Variants in SENP6 observed in about 807,000 individuals in gnomAD.
SENP6 encodes the protein SUMO specific peptidase 6, also known as sentrin-specific protease 6.
In SENP6, 41 loss-of-function variants were observed where a neutral mutation model predicts 134.5. The observed-to-expected ratio is 0.30, with a 90% CI of 0.24 to 0.40. The LOEUF (loss-of-function observed/expected upper bound fraction) is 0.40, where lower values mean the gene tolerates loss of function less well. SENP6 is among the 10% of genes least tolerant of loss of function. The pLI is 1.00. For missense variants in SENP6, 1,248 were observed against 1,312.5 expected, an observed-to-expected ratio of 0.95 and a Z score of 0.76; for synonymous variants, 395 against 429.8, an observed-to-expected ratio of 0.92 and a Z score of 1.00.
intron 16 of SENP6, among the ~76,000 whole-genome samples, chr6:75,694,013 T>C (rs1452322160): frequency 1.3e-5 from 2 of 152,106 alleles, no homozygotes; most frequent in Non-Finnish European, 2.9e-5. Context: ...TCCCAGCACC[T>C]TAGGAGGCCG....
At position 75,614,115 on chromosome 6, in the gene SENP6, A is replaced by G. The variant is rs895741176; in HGVS notation, c.53-7417A>G. Among the ~76,000 whole-genome samples, 6 of 152,152 alleles carry G rather than the reference A, an allele frequency of 3.9e-5. 1 individual carries two copies. In the South Asian group the frequency reaches 1.2e-3, roughly 32 times the overall value. On this transcript the variant is annotated intron_variant, in intron 1 of 23. Coordinates refer to ENST00000447266, the MANE Select transcript of SENP6 (RefSeq NM_015571.4). ...TTATGCATTTTTTAAAAATATAAGG[A>G]ATGCCATAAAAATGATTTTTTTGTT...
chr6:75,682,443 A>C (rs988790035), intron 16 of SENP6, among the ~76,000 whole-genome samples: 3 of 151,798 alleles, frequency 2.0e-5, no homozygotes, highest in African/African-American at 7.3e-5. Flanking sequence ...TCTATGGTAC[A>C]TGTGCACAAC....
chr6:75,604,856 T>A (rs1766912398), intron 1 of SENP6, among the ~76,000 whole-genome samples: 1 of 152,148 alleles, frequency 6.6e-6, no homozygotes, highest in South Asian at 2.1e-4. Context: ...ACGGATCACC[T>A]GAGGTCAGGA....
chr6:75,605,903 T>C (rs1177097076), intron 1 of SENP6, among the ~76,000 whole-genome samples: 1 of 152,174 alleles, frequency 6.6e-6, no homozygotes, highest in Non-Finnish European at 1.5e-5. Flanking sequence ...GGTCGGGGCT[T>C]CAATTAGCAT....
chr6:75,669,984 A>C (rs753872451), intron 10 of SENP6, among the ~76,000 whole-genome samples: 19 of 152,000 alleles, frequency 1.3e-4, no homozygotes, highest in Non-Finnish European at 1.9e-4. Flanking sequence ...CCCAGGCTGG[A>C]GTGCGGTGGT....
In SENP6 at chr6:75,602,530, G is replaced by C; in HGVS notation, c.6G>C (p.Ala2=). 1.6e-5 allele frequency: 25 copies of C among 1,551,550 alleles called. No individual in the cohort carries two copies. Among genetic ancestry groups the C allele is most frequent in the Non-Finnish European group, 2.2e-5 (25 of 1,146,942 alleles). The change falls in exon 1 of 24, where the codon GCG becomes GCC. Residue 2 remains alanine, a synonymous_variant. Coordinates refer to ENST00000447266, the MANE Select transcript of SENP6 (RefSeq NM_015571.4). Reference sequence around the variant, plus strand: ...GGCGGCGTGGGAGGAGGAAGATGGCGGCCGGCAAGAGCGGCGGTAGCGCAG... The same window carrying C: ...GGCGGCGTGGGAGGAGGAAGATGGCCGCCGGCAAGAGCGGCGGTAGCGCAG... M[A]AGKSGGSAGE...
chr6:75,715,043 C>G (rs1443103065), intron 23 of SENP6, among the ~76,000 whole-genome samples: 1 of 152,148 alleles, frequency 6.6e-6, no homozygotes, highest in African/African-American at 2.4e-5. Context: ...ACTGTGCAGT[C>G]TCTATTGCCT....
intron 1 of SENP6, among the ~76,000 whole-genome samples, chr6:75,613,708 C>T (rs1767635197): frequency 6.6e-6 from 1 of 151,236 alleles, no homozygotes; most frequent in Admixed American, 6.6e-5. Context: ...ACATGCTGCT[C>T]ATTTAACCGT....
chr6:75,675,922 T>C lies in SENP6; in HGVS notation c.1489T>C (p.Cys497Arg). The stretch of plus-strand genomic sequence containing the variant: ...CTCTGATCTAACTAAATGTGAATGG[T>C]GTAATGTCCGAAAATTACCTGTAGT... ...NTSDLTKCEW[C>R]NVRKLPVVFL... The change falls in exon 13 of 24, where the codon TGT (cysteine) becomes CGT (arginine). Residue 497 changes from cysteine to arginine, a missense_variant. Physicochemically the swap from Cys to Arg is radical, Grantham distance 180. This residue lies in a region of SENP6 where 733 missense variants were observed against 725.4 expected (regional missense o/e 1.01). Coordinates refer to ENST00000447266, the MANE Select transcript of SENP6 (RefSeq NM_015571.4). The C allele has an allele frequency of 2.5e-6, 4 of 1,612,458 alleles. No individual in the cohort carries two copies. Among genetic ancestry groups the C allele is most frequent in the Non-Finnish European group, 3.4e-6 (4 of 1,179,244 alleles).
chr6:75,670,775 G>C, intron 11 of SENP6, 55 bp downstream of exon 11: 1 of 1,021,562 alleles, frequency 9.8e-7, no homozygotes, highest in Non-Finnish European at 1.3e-6. Flanking sequence ...AAATTCCGTT[G>C]CTAAAGCTAA....
At chr6:75,665,142 C>T (rs544177877) in intron 9 of SENP6, among the ~76,000 whole-genome samples, 4 of 152,010 alleles carry the variant, frequency 2.6e-5, no homozygotes, top group Admixed American at 6.6e-5. Flanking sequence ...AAAAATTAGC[C>T]GGGCATGGTG....
intron 2 of SENP6, among the ~76,000 whole-genome samples, chr6:75,622,510 G>C (rs901064420): frequency 6.6e-6 from 1 of 152,146 alleles, no homozygotes; most frequent in African/African-American, 2.4e-5. Flanking sequence ...AGTGAACCCA[G>C]ATCATGCCAT....
In SENP6 at chr6:75,640,915, G is replaced by T. The variant is rs185363165; in HGVS notation, c.479+211G>T. Among the ~76,000 whole-genome samples, 14 of 152,194 alleles carry T rather than the reference G, an allele frequency of 9.2e-5. 1 individual carries two copies. The highest frequency in any genetic ancestry group is 9.2e-4 in the Admixed American group (14 of 15,274). ...ATACAATGTGTATGATCAGATCAGG[G>T]TAATTAGTATATCCATCACCTCAAA... is the stretch of plus-strand genomic sequence containing the variant. On this transcript the variant is annotated intron_variant, in intron 6 of 23. Coordinates refer to ENST00000447266, the MANE Select transcript of SENP6 (RefSeq NM_015571.4).
chr6:75,640,841 T>C, intron 6 of SENP6, 137 bp downstream of exon 6: 1 of 471,580 alleles, frequency 2.1e-6, no homozygotes, highest in Non-Finnish European at 3.7e-6. Context: ...AGTTGACATG[T>C]AATAATTGTA....
intron 1 of SENP6, among the ~76,000 whole-genome samples, chr6:75,603,920 T>A (rs1766827107): frequency 6.6e-6 from 1 of 152,228 alleles, no homozygotes; most frequent in Non-Finnish European, 1.5e-5. Context: ...TTTTCTGGGT[T>A]CGTTTCGTAT....
intron 1 of SENP6, among the ~76,000 whole-genome samples, chr6:75,605,088 A>G (rs1288411126): frequency 6.6e-6 from 1 of 152,226 alleles, no homozygotes; most frequent in Non-Finnish European, 1.5e-5. Context: ...ATAATAAAAT[A>G]TTCCACCATA....
chr6:75,626,610 G>A (rs1438671229), intron 3 of SENP6, among the ~76,000 whole-genome samples: 1 of 152,012 alleles, frequency 6.6e-6, no homozygotes, highest in Non-Finnish European at 1.5e-5. Flanking sequence ...CTTGTGCATA[G>A]ATATTTTTTT....
intron 18 of SENP6, among the ~76,000 whole-genome samples, chr6:75,702,255 A>T (rs1243227533): frequency 1.4e-5 from 2 of 142,960 alleles, no homozygotes; most frequent in Non-Finnish European, 3.0e-5. Context: ...TTGCTTTGTC[A>T]CCCCCAAGCT....
intron 3 of SENP6, among the ~76,000 whole-genome samples, chr6:75,625,239 G>A (rs956629909): frequency 6.6e-6 from 1 of 150,698 alleles, no homozygotes; most frequent in African/African-American, 2.4e-5. Context: ...AGCCACACGA[G>A]TAGTTGGGAT....
Sources: gnomAD v4.1 joint callset for allele counts (sites outside exome capture counted in the v4.1 genomes callset) on GRCh38, gnomAD v4.1.1 for gene constraint, gnomAD v4.1.1 regional missense constraint, MANE v1.5 for transcripts, NCBI Gene and HGNC (gene_info 2026-07-23, HGNC 2026-07-21) for gene names.